The following PLPPR4 variants were observed in gnomAD, a reference collection of about 807,000 sequenced individuals.
PLPPR4 encodes the protein phospholipid phosphatase-related protein type 4.
In PLPPR4, 24 loss-of-function variants were observed where a neutral mutation model predicts 56.6. The observed-to-expected ratio is 0.42, with a 90% CI of 0.31 to 0.60. The LOEUF is 0.60. Ranked by LOEUF, PLPPR4 falls within the 20% of genes least tolerant of loss-of-function variation. The pLI, the probability that PLPPR4 is intolerant of heterozygous loss-of-function variation, is 0.13. For missense variants in PLPPR4, 654 were observed against 885.8 expected (o/e 0.74, Z 3.32); for synonymous variants, 326 against 328.1 (o/e 0.99, Z 0.07).
chr1:99,303,096 T>C (rs1421135544), intron 6 of PLPPR4, among the ~76,000 whole-genome samples: 1 of 151,972 alleles, frequency 6.6e-6, no homozygotes, highest in East Asian at 1.9e-4. Context: ...GTCACAAAAG[T>C]GATGTGTATG....
intron 1 of PLPPR4, among the ~76,000 whole-genome samples, chr1:99,272,715 A>G (rs1659087864): frequency 6.6e-6 from 1 of 152,166 alleles, no homozygotes; most frequent in Non-Finnish European, 1.5e-5. Flanking sequence ...GGTCTCTAAC[A>G]GAGAGTACAG....
At chr1:99,290,667 A>G (rs764426588) in intron 2 of PLPPR4, among the ~76,000 whole-genome samples, 3 of 152,144 alleles carry the variant, frequency 2.0e-5, no homozygotes, top group Non-Finnish European at 4.4e-5. Flanking sequence ...ATCTTTGACA[A>G]TCCTGACAAA....
chr1:99,290,905 A>G (rs1428975406), intron 2 of PLPPR4, among the ~76,000 whole-genome samples: 1 of 152,180 alleles, frequency 6.6e-6, no homozygotes, highest in East Asian at 1.9e-4. Flanking sequence ...TGATGAAGAC[A>G]TCAAAAGCAA....
intron 1 of PLPPR4, among the ~76,000 whole-genome samples, chr1:99,277,341 G>C (rs1011137352): frequency 1.3e-5 from 2 of 152,108 alleles, no homozygotes; most frequent in African/African-American, 4.8e-5. Flanking sequence ...AGTTGCTTTG[G>C]CACCAATTGA....
In PLPPR4 at chr1:99,264,544, C is replaced by T. The variant is rs35285687; in HGVS notation, c.-50C>T. The T allele has an allele frequency of 8.3e-3, 12,815 of 1,551,472 alleles. 111 individuals are homozygous for T. Among genetic ancestry groups the T allele is most frequent in the African/African-American group, 0.043 (3,154 of 73,286 alleles). On this transcript the variant is annotated 5_prime_UTR_variant, in exon 1 of 7. Transcript: ENST00000370185. ...GAGGAGGCAGCTCGCCTCAGCTGCG[C>T]TGTGCACACCTCGCCCGGGGGAGGA...
intron 1 of PLPPR4, among the ~76,000 whole-genome samples, chr1:99,284,519 C>G (rs938866808): frequency 8.6e-5 from 13 of 151,984 alleles, no homozygotes; most frequent in Middle Eastern, 3.4e-3. Flanking sequence ...AAACTCCTGA[C>G]CTTGTGATCC....
At chr1:99,268,213 A>G (rs1199816351) in intron 1 of PLPPR4, among the ~76,000 whole-genome samples, 4 of 152,248 alleles carry the variant, frequency 2.6e-5, no homozygotes, top group Admixed American at 2.6e-4. Flanking sequence ...AGGGTGATAC[A>G]GTTTTCTCTG....
At position 99,272,007 on chromosome 1, in the gene PLPPR4, G is replaced by A. The variant is rs892333596; in HGVS notation, c.78+7336G>A. Among the ~76,000 whole-genome samples, 10 of 150,148 alleles carry A rather than the reference G, an allele frequency of 6.7e-5. No homozygotes were observed. In the South Asian group the frequency reaches 1.5e-3, roughly 22 times the overall value. ...TTTAAACATTTTGGTTTTCTAAGCT[G>A]GCTTATTAAATAAAGATTATTTGAG... On this transcript the variant is annotated intron_variant, in intron 1 of 6. Coordinates refer to ENST00000370185, the MANE Select transcript of PLPPR4 (RefSeq NM_014839.5).
At chr1:99,293,568 C>CA (rs906373164) in intron 2 of PLPPR4, among the ~76,000 whole-genome samples, 10 of 152,076 alleles carry the variant, frequency 6.6e-5, no homozygotes, top group African/African-American at 2.4e-4. Flanking sequence ...CCTGGAAATA[C>CA]AATTTTATTA....
At chr1:99,289,705 T>C (rs1318890708) in intron 2 of PLPPR4, among the ~76,000 whole-genome samples, 2 of 152,120 alleles carry the variant, frequency 1.3e-5, no homozygotes, top group Non-Finnish European at 2.9e-5. Flanking sequence ...CACATGATTA[T>C]CTCAATAGAT....
chr1:99,282,403 T>A (rs904447329), intron 1 of PLPPR4, among the ~76,000 whole-genome samples: 3 of 152,234 alleles, frequency 2.0e-5, no homozygotes, highest in African/African-American at 7.2e-5. Context: ...TCCACTAGAA[T>A]GTAAACTCTG....
At chr1:99,305,613 G>T (rs1660001570) in intron 6 of PLPPR4, 72 bp from the exon 7 acceptor site, 1 of 1,468,246 alleles carries the variant, frequency 6.8e-7, no homozygotes, top group Non-Finnish European at 9.3e-7. Flanking sequence ...ATGTACTTCA[G>T]TGGGTACTCT....
chr1:99,281,548 T>C (rs967203645), intron 1 of PLPPR4, among the ~76,000 whole-genome samples: 1 of 152,154 alleles, frequency 6.6e-6, no homozygotes, highest in Non-Finnish European at 1.5e-5. Flanking sequence ...ATTATGTTAT[T>C]ATTATTATCA....
intron 6 of PLPPR4, among the ~76,000 whole-genome samples, chr1:99,304,129 A>C (rs139461093): frequency 2.0e-5 from 3 of 152,356 alleles, no homozygotes; most frequent in African/African-American, 7.2e-5. Context: ...GACATGTGTC[A>C]CATAATGATA....
In PLPPR4 at chr1:99,264,613, C is replaced by T; in HGVS notation, c.20C>T (p.Pro7Leu). The change falls in exon 1 of 7, where the codon CCA becomes CTA. Residue 7 changes from proline to leucine, a missense_variant. This residue lies in a region of PLPPR4 where 186 missense variants were observed against 331.4 expected (regional missense o/e 0.56). Transcript: ENST00000370185. MSAKERPKGKVIKDSVT... is the reference protein window; with the variant it reads MSAKERLKGKVIKDSVT... ...GCAGGGATGTCGGCGAAGGAGAGGC[C>T]AAAGGGCAAAGTGATCAAGGACAGC... 6.4e-7 allele frequency: 1 copy of T among 1,550,702 alleles called. No individual in the cohort carries two copies. Among genetic ancestry groups the T allele is most frequent in the South Asian group, 1.2e-5 (1 of 84,064 alleles).
chr1:99,302,989 A>G (rs1319937977), intron 6 of PLPPR4, among the ~76,000 whole-genome samples: 1 of 152,132 alleles, frequency 6.6e-6, no homozygotes, highest in East Asian at 1.9e-4. Context: ...GTAAAGACTA[A>G]CATAAATATA....
chr1:99,293,535 GAA>G, intron 2 of PLPPR4, among the ~76,000 whole-genome samples: 1 of 151,188 alleles, frequency 6.6e-6, no homozygotes, highest in East Asian at 1.9e-4. Flanking sequence ...TATGTGAACA[GAA>G]AAAAAAGGGC....
Position 99,299,249 on chromosome 1 carries a change from A to G in PLPPR4, c.590+19A>G. The G allele has an allele frequency of 5.7e-6, 9 of 1,572,660 alleles. No homozygotes were observed. Among genetic ancestry groups the G allele is most frequent in the Non-Finnish European group, 7.9e-6 (9 of 1,143,912 alleles). ...GTGGCAGGTTAGAAACAGATCTAAA[A>G]ACACTCTGCATCATTGTTTTCATTA... On this transcript the variant is annotated intron_variant, in intron 4 of 6. Transcript: ENST00000370185.
chr1:99,292,823 A>AT (rs1337864873), intron 2 of PLPPR4, among the ~76,000 whole-genome samples: 1 of 151,248 alleles, frequency 6.6e-6, no homozygotes, highest in African/African-American at 2.4e-5. Context: ...CCAAACATAC[A>AT]TTTTCTCAGC....
Sources: allele counts gnomAD v4.1 joint callset (sites outside exome capture counted in the v4.1 genomes callset), GRCh38; gene constraint gnomAD v4.1.1; regional missense constraint gnomAD v4.1.1; transcripts MANE v1.5; gene names NCBI Gene and HGNC (gene_info 2026-07-23, HGNC 2026-07-21).